BPIFB4: variants seen among roughly 807,000 people sequenced by gnomAD.
BPIFB4 encodes BPI fold-containing family B member 4.
BPIFB4 carries 62 observed loss-of-function variants against 69.2 expected under a neutral mutation model. The ratio of observed to expected loss-of-function variants is 0.90; its 90% CI spans 0.73 to 1.11. The LOEUF (loss-of-function observed/expected upper bound fraction) is 1.11, where lower values mean the gene tolerates loss of function less well. Ranked by LOEUF, BPIFB4 falls within the 50% of genes least tolerant of loss-of-function variation. The pLI is 0.00. For missense variants in BPIFB4, 789 were observed against 792.0 expected (o/e 1.00, Z 0.04); for synonymous variants, 330 against 332.7 (o/e 0.99, Z 0.09).
chr20:33,083,520 T>A lies in BPIFB4; in HGVS notation c.323T>A (p.Ile108Asn), dbSNP rs1981312717. The part of the protein sequence containing the change: ...QLGGKYRYGE[I>N]LESEGSIRDL... ...GGGGGCAAATACCGATATGGTGAGA[T>A]CCTTGAGTCCGAGGGAAGCATCAGG... is the stretch of plus-strand genomic sequence containing the variant. Residue 108 changes from isoleucine (I) to asparagine (N), a missense_variant, in exon 5 of 18, where the codon ATC becomes AAC. Ile to Asn is a moderately radical substitution (Grantham distance 149). This residue lies in a region of BPIFB4 where 611 missense variants were observed against 575.4 expected (regional missense o/e 1.06). Coordinates refer to ENST00000375483, the MANE Select transcript of BPIFB4 (RefSeq NM_182519.3). 7.4e-6 allele frequency: 12 copies of A among 1,613,764 alleles called. No homozygotes were observed. Among genetic ancestry groups the A allele is most frequent in the Non-Finnish European group, 1.0e-5 (12 of 1,179,928 alleles).
chr20:33,080,025 A>G (rs1169026477), intron 1 of BPIFB4, among the ~76,000 whole-genome samples: 1 of 152,212 alleles, frequency 6.6e-6, no homozygotes, highest in Non-Finnish European at 1.5e-5. Flanking sequence ...CATCTTTTTA[A>G]CTGAAAGGGG....
At chr20:33,081,454 C>A in intron 2 of BPIFB4, 58 bp from the exon 3 acceptor site, 1 of 1,536,316 alleles carries the variant, frequency 6.5e-7, no homozygotes, top group South Asian at 1.2e-5. Flanking sequence ...CTAGTGCTAC[C>A]TGCTGGCCAG....
At chr20:33,081,192 G>A (rs372558178) in intron 2 of BPIFB4, among the ~76,000 whole-genome samples, 16 of 152,164 alleles carry the variant, frequency 1.1e-4, no homozygotes, top group African/African-American at 3.6e-4. Flanking sequence ...CCAGTTTGGT[G>A]TTTTTGTTGG....
chr20:33,104,701 C>T (rs1207510337), intron 15 of BPIFB4, 109 bp from the exon 16 acceptor site: 2 of 1,029,628 alleles, frequency 1.9e-6, no homozygotes, highest in Non-Finnish European at 2.9e-6. Context: ...CCTAGACTCT[C>T]CCAGAGCAGG....
intron 17 of BPIFB4, among the ~76,000 whole-genome samples, chr20:33,110,789 A>T (rs1045438324): frequency 2.5e-4 from 27 of 107,284 alleles, no homozygotes; most frequent in South Asian, 3.2e-4. Flanking sequence ...ATCATCTCTT[A>T]CTTTTATTAT....
At chr20:33,097,909 C>A (rs1038532387) in intron 13 of BPIFB4, 122 bp downstream of exon 13, 2 of 1,108,330 alleles carry the variant, frequency 1.8e-6, no homozygotes, top group Non-Finnish European at 2.5e-6. Flanking sequence ...ATGGGCCCAA[C>A]TTTGGGGCCA....
At chr20:33,106,952 TC>T (rs1982075829) in intron 16 of BPIFB4, among the ~76,000 whole-genome samples, 1 of 152,116 alleles carries the variant, frequency 6.6e-6, no homozygotes, top group Non-Finnish European at 1.5e-5. Flanking sequence ...AAGCCTGTAA[TC>T]CCAACACTTT....
At chr20:33,110,299 G>A (rs1248065564) in intron 17 of BPIFB4, among the ~76,000 whole-genome samples, 3 of 152,138 alleles carry the variant, frequency 2.0e-5, no homozygotes, top group Non-Finnish European at 4.4e-5. Context: ...GGATTTGATG[G>A]ACACTTTTTT....
At chr20:33,105,177 A>G (rs914745271) in intron 16 of BPIFB4, among the ~76,000 whole-genome samples, 4 of 151,996 alleles carry the variant, frequency 2.6e-5, no homozygotes, top group Non-Finnish European at 5.9e-5. Context: ...TTTAAAAAAA[A>G]CTCACCTCGC....
rs754220866 is a variant in BPIFB4 at position 33,102,987 on chromosome 20, C to A, written c.1653C>A (p.Leu551=). The A allele has an allele frequency of 6.2e-7, 1 of 1,614,162 alleles. No individual in the cohort carries two copies. Among genetic ancestry groups the A allele is most frequent in the East Asian group, 2.2e-5 (1 of 44,888 alleles). Reference sequence around the variant, plus strand: ...TCGTCTACAGGACCAGCCTCAACCTCAGAACCTCAAACGTGGGCAACTTTG... The same window carrying A: ...TCGTCTACAGGACCAGCCTCAACCTAAGAACCTCAAACGTGGGCAACTTTG... ...DAKLEKTSLN[L]RTSNVGNFDI... Residue 551 remains leucine, a synonymous_variant, in exon 15 of 18, where the codon CTC becomes CTA. Transcript: ENST00000375483.
chr20:33,100,537 G>C (rs754098130), intron 14 of BPIFB4, 44 bp downstream of exon 14: 5 of 1,540,088 alleles, frequency 3.2e-6, no homozygotes, highest in African/African-American at 1.4e-5. Flanking sequence ...TGCTGGTGCT[G>C]CTCATGGAGG....
chr20:33,110,096 T>C (rs950395138), intron 17 of BPIFB4, among the ~76,000 whole-genome samples: 1 of 152,142 alleles, frequency 6.6e-6, no homozygotes, highest in African/African-American at 2.4e-5. Flanking sequence ...CCGTGAAGAA[T>C]CTGCAGACGT....
chr20:33,085,402 C>A (rs1981394954), intron 6 of BPIFB4, among the ~76,000 whole-genome samples: 1 of 152,184 alleles, frequency 6.6e-6, no homozygotes, highest in Admixed American at 6.5e-5. Context: ...TTGCAGTGAG[C>A]TGAGATCGTG....
intron 14 of BPIFB4, among the ~76,000 whole-genome samples, chr20:33,102,359 C>G (rs756156591): frequency 2.0e-5 from 3 of 152,262 alleles, no homozygotes; most frequent in Non-Finnish European, 2.9e-5. Flanking sequence ...TCTGGCCTCT[C>G]TCGGGTAGGA....
At chr20:33,095,274 G>A in intron 12 of BPIFB4, 121 bp downstream of exon 12, 1 of 1,063,970 alleles carries the variant, frequency 9.4e-7, no homozygotes, top group Non-Finnish European at 1.4e-6. Flanking sequence ...ACCCCTGCTT[G>A]GGAGTGCAGT....
intron 10 of BPIFB4, among the ~76,000 whole-genome samples, chr20:33,092,035 A>G (rs144275951): frequency 5.3e-4 from 80 of 152,310 alleles, no homozygotes; most frequent in African/African-American, 1.8e-3. Flanking sequence ...GGGAGACTGC[A>G]AAGGCCCTGG....
At chr20:33,087,779 T>C (rs1316148791) in intron 7 of BPIFB4, among the ~76,000 whole-genome samples, 2 of 131,434 alleles carry the variant, frequency 1.5e-5, no homozygotes, top group African/African-American at 2.8e-5. Flanking sequence ...CACACACATA[T>C]ATATTCTCAA....
chr20:33,084,981 C>T lies in BPIFB4; in HGVS notation c.767C>T (p.Ala256Val), dbSNP rs1219267591. ...GVYLSLYTRV[A>V]INGKSLIGFL... ...TACCTGAGCTTGTACACCCGTGTGG[C>T]CATCAACGGGAAGAGGTGCGTGCCC... The change falls in exon 6 of 18, where the codon GCC becomes GTC. Residue 256 changes from alanine to valine, a missense_variant. Physicochemically the swap from Ala to Val is moderately conservative, Grantham distance 64 (BLOSUM62 0). Around this residue, in one of 3 missense-constraint regions of BPIFB4, gnomAD observed 611 missense variants for 575.4 expected, o/e 1.06. Coordinates refer to ENST00000375483, the MANE Select transcript of BPIFB4 (RefSeq NM_182519.3). The T allele has an allele frequency of 8.7e-6, 14 of 1,612,060 alleles. No homozygotes were observed. The highest frequency in any genetic ancestry group is 1.2e-5 in the Non-Finnish European group (14 of 1,179,946).
chr20:33,083,290 G>A (rs1981297253), intron 4 of BPIFB4, 77 bp from the exon 5 acceptor site: 2 of 1,487,822 alleles, frequency 1.3e-6, no homozygotes, highest in Admixed American at 3.5e-5. Context: ...GGGGGCTGCT[G>A]GGTGGCAGTG....
Sources: gnomAD v4.1 joint callset for allele counts (sites outside exome capture counted in the v4.1 genomes callset) on GRCh38, gnomAD v4.1.1 for gene constraint, gnomAD v4.1.1 regional missense constraint, MANE v1.5 for transcripts, NCBI Gene and HGNC (gene_info 2026-07-23, HGNC 2026-07-21) for gene names.